Variants in CCBE1 observed in about 807,000 individuals in gnomAD.
CCBE1 encodes collagen and calcium binding EGF domains 1.
In CCBE1, 37 loss-of-function variants were observed where a neutral mutation model predicts 50.0. The ratio of observed to expected loss-of-function variants is 0.74; its 90% CI spans 0.57 to 0.97. CCBE1 has a LOEUF of 0.97. Ranked by LOEUF, CCBE1 falls within the 50% of genes least tolerant of loss-of-function variation. The probability of loss-of-function intolerance (pLI) is 0.00; values close to 1 mark genes in which losing one functional copy is unlikely to be tolerated. For synonymous variants in CCBE1, 234 were observed against 203.7 expected, an observed-to-expected ratio of 1.15 and a Z score of -1.27; for missense variants, 538 against 523.8, an observed-to-expected ratio of 1.03 and a Z score of -0.26.
At chr18:59,692,962 A>G (rs1166645992) in intron 2 of CCBE1, among the ~76,000 whole-genome samples, 1 of 32,408 alleles carries the variant, frequency 3.1e-5, no homozygotes, top group African/African-American at 1.5e-4. Flanking sequence ...CAAAGCACAC[A>G]CACACACACA....
At position 59,697,337 on chromosome 18, in the gene CCBE1, C is replaced by T. The variant is rs1185534547; in HGVS notation, c.6G>A (p.Val2=). Residue 2 remains valine (V), a synonymous_variant, in exon 1 of 11, where the codon GTG becomes GTA. Transcript: ENST00000439986. ...CTCCTCCCCGGCTCGGAGGCGGCGG[C>T]ACCATCAGGGAAGCTCCCGGCTTCT... The part of the protein sequence containing the change: M[V]PPPPSRGGAA... 1.3e-6 allele frequency: 2 copies of T among 1,547,446 alleles called. No homozygotes were observed. The highest frequency in any genetic ancestry group is 1.7e-6 in the Non-Finnish European group (2 of 1,146,834).
chr18:59,520,859 T>C (rs1041326743), intron 2 of CCBE1, among the ~76,000 whole-genome samples: 1 of 152,220 alleles, frequency 6.6e-6, no homozygotes. Flanking sequence ...CAGACACAAA[T>C]TAACCCAATT....
intron 6 of CCBE1, among the ~76,000 whole-genome samples, chr18:59,451,617 G>C (rs962548389): frequency 6.6e-6 from 1 of 152,032 alleles, no homozygotes; most frequent in African/African-American, 2.4e-5. Flanking sequence ...TGGAGGCACT[G>C]AGGTCTATAC....
At chr18:59,644,965 G>A (rs983236289) in intron 2 of CCBE1, among the ~76,000 whole-genome samples, 3 of 152,222 alleles carry the variant, frequency 2.0e-5, no homozygotes, top group East Asian at 1.9e-4. Flanking sequence ...CCATCAAAAC[G>A]CTACCCTTGG....
At chr18:59,692,817 C>T (rs1018508385) in intron 2 of CCBE1, among the ~76,000 whole-genome samples, 2 of 152,080 alleles carry the variant, frequency 1.3e-5, no homozygotes, top group African/African-American at 4.8e-5. Context: ...AGATGAATAC[C>T]GGCAGGGCAG....
intron 2 of CCBE1, among the ~76,000 whole-genome samples, chr18:59,532,294 C>G (rs555648252): frequency 9.2e-5 from 14 of 152,286 alleles, no homozygotes; most frequent in Non-Finnish European, 1.8e-4. Flanking sequence ...ATCTGCCTGT[C>G]TCAGCCTCCC....
At chr18:59,453,363 A>G (rs1911030334) in intron 6 of CCBE1, among the ~76,000 whole-genome samples, 1 of 152,144 alleles carries the variant, frequency 6.6e-6, no homozygotes, top group South Asian at 2.1e-4. Flanking sequence ...CAAGCTGGGG[A>G]TATCTGTGTT....
intron 2 of CCBE1, among the ~76,000 whole-genome samples, chr18:59,546,879 CT>C (rs1915705540): frequency 1.3e-5 from 2 of 152,188 alleles, no homozygotes; most frequent in South Asian, 4.2e-4. Flanking sequence ...ATCTGTGGAG[CT>C]TGGCCATTCT....
chr18:59,646,142 A>C (rs1158173310), intron 2 of CCBE1, among the ~76,000 whole-genome samples: 1 of 152,188 alleles, frequency 6.6e-6, no homozygotes, highest in Non-Finnish European at 1.5e-5. Flanking sequence ...GCCTCAAACC[A>C]AGTTAGAGGG....
chr18:59,597,646 A>G (rs901560173), intron 2 of CCBE1, among the ~76,000 whole-genome samples: 8 of 152,222 alleles, frequency 5.3e-5, no homozygotes, highest in African/African-American at 1.9e-4. Context: ...ACCTAGAAGT[A>G]GGTCTGGTAT....
At chr18:59,606,065 C>T (rs1169239614) in intron 2 of CCBE1, among the ~76,000 whole-genome samples, 2 of 152,184 alleles carry the variant, frequency 1.3e-5, no homozygotes, top group South Asian at 2.1e-4. Flanking sequence ...GATTCAACTC[C>T]CATTTACCCC....
At position 59,663,156 on chromosome 18, in the gene CCBE1, G is replaced by A. The variant is rs184772709; in HGVS notation, c.212+33473C>T. ...ATAAGATACTTTTCTTACTATCATG[G>A]AGCAATTGCTGAGAGAAGAAGATCC... On this transcript the variant is annotated intron_variant, in intron 2 of 10. Coordinates refer to ENST00000439986, the MANE Select transcript of CCBE1 (RefSeq NM_133459.4). 1.3e-3 allele frequency among the ~76,000 whole-genome samples: 195 copies of A among 152,328 alleles called. 2 individuals are homozygous for A. Among genetic ancestry groups the A allele is most frequent in the Non-Finnish European group, 2.4e-3 (164 of 68,028 alleles).
rs58896218 is a variant in CCBE1, at chr18:59,668,418, A to AAAT, written c.212+28208_212+28210dup. Among the ~76,000 whole-genome samples the AAAT allele has an allele frequency of 1.0e-2, 1,496 of 150,300 alleles. 11 individuals are homozygous for AAAT. Among genetic ancestry groups the AAAT allele is most frequent in the African/African-American group, 0.027 (1,073 of 40,400 alleles). On this transcript the variant is annotated intron_variant, in intron 2 of 10. Coordinates refer to ENST00000439986, the MANE Select transcript of CCBE1 (RefSeq NM_133459.4). ...GGCGACAAAGCGAGACTCCATCTCAAAATAATAATAATAATAATAATAATT... is the reference window on the plus strand; with the variant it reads ...GGCGACAAAGCGAGACTCCATCTCAAAATAATAATAATAATAATAATAATAATT...
intron 2 of CCBE1, among the ~76,000 whole-genome samples, chr18:59,511,830 C>T (rs770271546): frequency 1.3e-5 from 2 of 152,060 alleles, no homozygotes; most frequent in Non-Finnish European, 2.9e-5. Flanking sequence ...TGGGGGAATC[C>T]ATGTAAGTTG....
chr18:59,486,845 A>T (rs1912845188), intron 2 of CCBE1, among the ~76,000 whole-genome samples: 1 of 152,030 alleles, frequency 6.6e-6, no homozygotes, highest in South Asian at 2.1e-4. Context: ...GGAAAACTAT[A>T]CCCAAATAAA....
At chr18:59,651,629 T>A (rs1462460151) in intron 2 of CCBE1, among the ~76,000 whole-genome samples, 1 of 152,214 alleles carries the variant, frequency 6.6e-6, no homozygotes, top group Non-Finnish European at 1.5e-5. Flanking sequence ...AATGAGTTAA[T>A]CTTCTGCAGC....
chr18:59,583,672 TGTGTGTGTGCGCGCGCGCGCGCGCGCGC>T (rs1431357387), intron 2 of CCBE1, among the ~76,000 whole-genome samples: 5 of 95,354 alleles, frequency 5.2e-5, no homozygotes, highest in African/African-American at 1.8e-4. Context: ...TGTGTGTGTG[TGTGTGTGTGCGCGCGCGCGCGCGCGCGC>T]GTGTGTGTGT....
chr18:59,676,112 G>A (rs2054498428), intron 2 of CCBE1, among the ~76,000 whole-genome samples: 1 of 152,218 alleles, frequency 6.6e-6, no homozygotes, highest in African/African-American at 2.4e-5. Context: ...CTGTACTTAG[G>A]ACAGCAGTGG....
chr18:59,625,377 G>C (rs781161904), intron 2 of CCBE1, among the ~76,000 whole-genome samples: 6 of 145,778 alleles, frequency 4.1e-5, no homozygotes, highest in Non-Finnish European at 8.9e-5. Flanking sequence ...CTTGCAGTGA[G>C]CCAAGATCGC....
Sources: allele counts gnomAD v4.1 joint callset (sites outside exome capture counted in the v4.1 genomes callset), GRCh38; gene constraint gnomAD v4.1.1; transcripts MANE v1.5; gene names NCBI Gene and HGNC (gene_info 2026-07-23, HGNC 2026-07-21).